PRKCE: variants seen among roughly 807,000 people sequenced by gnomAD.
PRKCE encodes protein kinase C epsilon.
A neutral mutation model predicts 85.4 loss-of-function variants in PRKCE; 16 were observed. The observed-to-expected ratio is 0.19, with a 90% CI of 0.13 to 0.28. PRKCE has a LOEUF of 0.28. Ranked by LOEUF, PRKCE falls within the 10% of genes least tolerant of loss-of-function variation. PRKCE has a pLI of 1.00. For synonymous variants in PRKCE, 388 were observed against 371.5 expected (o/e 1.04, Z -0.51); for missense variants, 573 against 975.2 (o/e 0.59, Z 5.49).
intron 2 of PRKCE, among the ~76,000 whole-genome samples, chr2:45,902,396 G>A (rs907167612): frequency 3.3e-5 from 5 of 152,170 alleles, no homozygotes; most frequent in Admixed American, 2.6e-4. Context: ...TTGAACTAAG[G>A]GGCTGTGATC....
intron 1 of PRKCE, among the ~76,000 whole-genome samples, chr2:45,683,835 C>G (rs1411025492): frequency 6.6e-6 from 1 of 152,240 alleles, no homozygotes; most frequent in Non-Finnish European, 1.5e-5. Flanking sequence ...GTAGATGTTC[C>G]TGTTTCTCCA....
At chr2:46,077,614 A>C (rs1271307570) in intron 10 of PRKCE, among the ~76,000 whole-genome samples, 1 of 152,198 alleles carries the variant, frequency 6.6e-6, no homozygotes, top group Non-Finnish European at 1.5e-5. Flanking sequence ...CAGGGGGTGA[A>C]GGCCTAGTAG....
At chr2:45,690,421 C>T (rs1051528888) in intron 1 of PRKCE, among the ~76,000 whole-genome samples, 1 of 152,168 alleles carries the variant, frequency 6.6e-6, no homozygotes, top group East Asian at 1.9e-4. Flanking sequence ...AACACTGGTC[C>T]ATATGTCAGC....
At chr2:46,027,385 G>C (rs1707193802) in intron 10 of PRKCE, among the ~76,000 whole-genome samples, 1 of 152,050 alleles carries the variant, frequency 6.6e-6, no homozygotes, top group South Asian at 2.1e-4. Context: ...TACCAGGGAA[G>C]TCCAAATAGG....
intron 1 of PRKCE, among the ~76,000 whole-genome samples, chr2:45,681,552 G>A (rs1282152055): frequency 1.3e-5 from 2 of 152,136 alleles, no homozygotes; most frequent in Admixed American, 1.3e-4. Flanking sequence ...TGGTTTTGGT[G>A]CTTCCACCTG....
In PRKCE at chr2:45,681,288, CAAAAAAAAAAAAA is replaced by C. The variant is rs10532828; in HGVS notation, c.348+28858_348+28870del. Among the ~76,000 whole-genome samples the C allele has an allele frequency of 1.1e-3, 66 of 61,784 alleles. 1 individual carries two copies. The highest frequency in any genetic ancestry group is 4.0e-3 in the African/African-American group (52 of 13,072). The allele number at this position is 61,784 out of a possible 152,430, so 40.5% of individuals were successfully genotyped here. A position where few individuals can be genotyped will look rare whatever the true frequency, so the allele number is the denominator to read the frequency against. On this transcript the variant is annotated intron_variant, in intron 1 of 14. Coordinates refer to ENST00000306156, the MANE Select transcript of PRKCE (RefSeq NM_005400.3). ...TGGGAGACAGAGCAAGACTCTGTCT[CAAAAAAAAAAAAA>C]AAAAAAAAAAAAAAAAAGGCATAGC...
At chr2:45,754,753 G>T (rs1441458345) in intron 1 of PRKCE, among the ~76,000 whole-genome samples, 15 of 152,194 alleles carry the variant, frequency 9.9e-5, no homozygotes, top group African/African-American at 3.6e-4. Context: ...AAATGCCATG[G>T]TGTACCCGTG....
At chr2:45,884,294 G>T (rs932876277) in intron 2 of PRKCE, among the ~76,000 whole-genome samples, 3 of 152,180 alleles carry the variant, frequency 2.0e-5, no homozygotes, top group African/African-American at 7.2e-5. Flanking sequence ...TGCTACTGTT[G>T]ACTCACTTGT....
chr2:45,653,162 C>G (rs116144657), intron 1 of PRKCE, among the ~76,000 whole-genome samples: 2 of 152,064 alleles, frequency 1.3e-5, no homozygotes, highest in African/African-American at 4.8e-5. Flanking sequence ...TATATTGTTT[C>G]TCTGTTTTGA....
chr2:45,839,891 T>G (rs1172585034), intron 1 of PRKCE, among the ~76,000 whole-genome samples: 1 of 152,220 alleles, frequency 6.6e-6, no homozygotes, highest in African/African-American at 2.4e-5. Flanking sequence ...ATAGCTTAAT[T>G]TCTATTTTTC....
chr2:46,077,188 C>CAT (rs70937984), intron 10 of PRKCE, among the ~76,000 whole-genome samples: 1 of 151,394 alleles, frequency 6.6e-6, no homozygotes, highest in South Asian at 2.1e-4. Flanking sequence ...CACACACACA[C>CAT]GCACGCGCAC....
intron 11 of PRKCE, among the ~76,000 whole-genome samples, chr2:46,137,093 G>A (rs1675076187): frequency 1.3e-5 from 2 of 152,190 alleles, no homozygotes; most frequent in Admixed American, 1.3e-4. Context: ...GGATATCATG[G>A]ATCAGGCACT....
rs139566994 is a variant in PRKCE at position 46,159,932 on chromosome 2, G to A, written c.2067+180G>A. 628 of 675,508 alleles carry A rather than the reference G, an allele frequency of 9.3e-4. 6 individuals are homozygous for A. The East Asian group carries it at 0.018, about 19-fold the overall frequency. The allele number at this position is 675,508 out of a possible 1,614,324, so 41.8% of individuals were successfully genotyped here. A position where few individuals can be genotyped will look rare whatever the true frequency, so the allele number is the denominator to read the frequency against. On this transcript the variant is annotated intron_variant, in intron 14 of 14. Coordinates refer to ENST00000306156, the MANE Select transcript of PRKCE (RefSeq NM_005400.3). The surrounding 1 kb of genome is among the most constrained non-coding windows in gnomAD (Gnocchi z 4.1). Reference sequence around the variant, plus strand: ...CTTTAGGCCCCAAGTGTTTACTATTGAAAACATGTAACCTACTACAGCAGC... The same window carrying A: ...CTTTAGGCCCCAAGTGTTTACTATTAAAAACATGTAACCTACTACAGCAGC...
Position 45,887,752 on chromosome 2 carries a change from G to T in PRKCE, c.412+44689G>T, listed in dbSNP as rs138439018. Among the ~76,000 whole-genome samples, 33 of 152,274 alleles carry T rather than the reference G, an allele frequency of 2.2e-4. 1 individual carries two copies. In the East Asian group the frequency reaches 5.2e-3, roughly 24 times the overall value. ...GTTGGTACCTGGATGCTGCAACATT[G>T]GCTAAAACTGTCATAGAAGAACCAG... On this transcript the variant is annotated intron_variant, in intron 2 of 14. Coordinates refer to ENST00000306156, the MANE Select transcript of PRKCE (RefSeq NM_005400.3).
intron 1 of PRKCE, among the ~76,000 whole-genome samples, chr2:45,838,937 A>G (rs1558735594): frequency 6.6e-6 from 1 of 152,192 alleles, no homozygotes. Flanking sequence ...AACTGCACCA[A>G]TGATGACTAT....
chr2:45,944,072 C>T (rs921694937), intron 2 of PRKCE, among the ~76,000 whole-genome samples: 1 of 152,148 alleles, frequency 6.6e-6, no homozygotes, highest in African/African-American at 2.4e-5. Flanking sequence ...GAATCTATTC[C>T]AGGACTCAAC....
intron 2 of PRKCE, among the ~76,000 whole-genome samples, chr2:45,885,236 T>C (rs539517144): frequency 6.6e-6 from 1 of 152,178 alleles, no homozygotes; most frequent in South Asian, 2.1e-4. Context: ...GTTAATACTG[T>C]GGTTTTCCAC....
At chr2:45,713,113 C>T (rs1352715905) in intron 1 of PRKCE, among the ~76,000 whole-genome samples, 5 of 152,186 alleles carry the variant, frequency 3.3e-5, no homozygotes, top group Non-Finnish European at 1.5e-5. Context: ...CCCTGGGCCT[C>T]AGTTTCTTTC....
intron 10 of PRKCE, among the ~76,000 whole-genome samples, chr2:46,040,290 A>G (rs1209119413): frequency 6.6e-6 from 1 of 152,202 alleles, no homozygotes; most frequent in Admixed American, 6.5e-5. Flanking sequence ...GATCCACACA[A>G]AAGAGGAGAC....
Sources: gnomAD v4.1 joint callset for allele counts (sites outside exome capture counted in the v4.1 genomes callset) on GRCh38, gnomAD v4.1.1 for gene constraint, Gnocchi (gnomAD v3.1) non-coding constraint, MANE v1.5 for transcripts, NCBI Gene and HGNC (gene_info 2026-07-23, HGNC 2026-07-21) for gene names.